The following NFAT5 variants were observed in gnomAD, a reference collection of about 807,000 sequenced individuals.
The protein encoded by NFAT5 is nuclear factor of activated T cells 5.
Under a neutral mutation model 166.5 loss-of-function variants are expected in NFAT5, and 31 were observed. The observed-to-expected ratio is 0.19, with a 90% CI of 0.14 to 0.25. The LOEUF is 0.25. NFAT5 is among the 10% of genes least tolerant of loss of function. The pLI is 1.00. For missense variants in NFAT5, 1,449 were observed against 1,821.8 expected (o/e 0.80, Z 3.72); for synonymous variants, 612 against 639.7 (o/e 0.96, Z 0.65).
chr16:69,582,309 G>A (rs912341458), intron 2 of NFAT5, among the ~76,000 whole-genome samples: 9 of 151,942 alleles, frequency 5.9e-5, no homozygotes, highest in Middle Eastern at 3.4e-3. Context: ...TTGGGTTGTC[G>A]TCTTATTCTT....
chr16:69,624,845 A>G (rs1167344635), intron 2 of NFAT5, among the ~76,000 whole-genome samples: 1 of 151,824 alleles, frequency 6.6e-6, no homozygotes, highest in Non-Finnish European at 1.5e-5. Flanking sequence ...CTTAAATTTC[A>G]TGCCTCAGTT....
At chr16:69,571,469 A>G (rs1237509860) in intron 2 of NFAT5, among the ~76,000 whole-genome samples, 1 of 152,124 alleles carries the variant, frequency 6.6e-6, no homozygotes, top group Non-Finnish European at 1.5e-5. Context: ...ATTCCAACCC[A>G]GGTAGTCTCA....
intron 2 of NFAT5, among the ~76,000 whole-genome samples, chr16:69,585,173 A>G (rs1262608273): frequency 6.7e-6 from 1 of 150,140 alleles, no homozygotes; most frequent in Non-Finnish European, 1.5e-5. Context: ...AATTATTATT[A>G]TTTTTTTTTG....
At position 69,692,999 on chromosome 16, in the gene NFAT5, A is replaced by G. The variant is rs1245522227; in HGVS notation, c.3174A>G (p.Gln1058=). The change falls in exon 13 of 15, where the codon CAA becomes CAG. Residue 1058 remains glutamine, a synonymous_variant. Transcript: ENST00000349945. ...GTGTTCAGAATAGTGGTACCCAACAACAAGGTAATGGTTTATTCCAGCAAG... is the reference window on the plus strand; with the variant it reads ...GTGTTCAGAATAGTGGTACCCAACAGCAAGGTAATGGTTTATTCCAGCAAG... ...MMSVQNSGTQ[Q]QGNGLFQQGN... 6.2e-6 allele frequency: 10 copies of G among 1,614,058 alleles called. No homozygotes were observed. The African/African-American group carries it at 9.3e-5, about 15-fold the overall frequency.
chr16:69,587,940 CTTTCTTTTTTTTTTTTTT>C (rs2032190503), intron 2 of NFAT5, among the ~76,000 whole-genome samples: 1 of 90,590 alleles, frequency 1.1e-5, no homozygotes, highest in South Asian at 3.7e-4. Context: ...ATTTATAGTG[CTTTCTTTTTTTTTTTTTT>C]TTTTTTTTTT....
intron 2 of NFAT5, among the ~76,000 whole-genome samples, chr16:69,594,582 T>A (rs986877925): frequency 6.6e-6 from 1 of 152,214 alleles, no homozygotes; most frequent in Non-Finnish European, 1.5e-5. Context: ...TATGATCTTA[T>A]GGCACCACTG....
Position 69,693,461 on chromosome 16 carries a change from T to C in NFAT5, c.3636T>C (p.Pro1212=), listed in dbSNP as rs1405541342. 1 of 1,614,170 alleles carries C rather than the reference T, an allele frequency of 6.2e-7. No homozygotes were observed. Among genetic ancestry groups the C allele is most frequent in the South Asian group, 1.1e-5 (1 of 91,084 alleles). ...CTCCAATATCACACATCCAGACTCCTATGCTTTCCCAAGAACAGGCACAAC... is the reference window on the plus strand; with the variant it reads ...CTCCAATATCACACATCCAGACTCCCATGCTTTCCCAAGAACAGGCACAAC... ...QQAPISHIQT[P]MLSQEQAQPP... is the part of the protein sequence containing the mutation. The change falls in exon 13 of 15, where the codon CCT becomes CCC. Residue 1212 remains proline, a synonymous_variant. Transcript: ENST00000349945.
chr16:69,689,183 G>C (rs1293289057), intron 11 of NFAT5, among the ~76,000 whole-genome samples: 1 of 152,140 alleles, frequency 6.6e-6, no homozygotes, highest in Non-Finnish European at 1.5e-5. Flanking sequence ...GGGCTGAGGT[G>C]GGAGGATTGC....
chr16:69,670,375 A>C, intron 9 of NFAT5, 87 bp downstream of exon 9: 1 of 784,588 alleles, frequency 1.3e-6, no homozygotes, highest in Non-Finnish European at 2.1e-6. Context: ...TCAATAGATT[A>C]AATTTCTTCT....
intron 10 of NFAT5, among the ~76,000 whole-genome samples, chr16:69,678,860 C>T (rs1447853214): frequency 6.6e-6 from 1 of 152,188 alleles, no homozygotes; most frequent in Non-Finnish European, 1.5e-5. Context: ...GTGAAGAAAA[C>T]AGTAGCTAGG....
rs1332908369 is a variant in NFAT5, at chr16:69,698,936, C to T, written c.*2585C>T. The T allele has an allele frequency of 6.6e-6, 1 of 152,466 alleles. No individual in the cohort carries two copies. Among genetic ancestry groups the T allele is most frequent in the African/African-American group, 2.4e-5 (1 of 41,378 alleles). The allele number at this position is 152,466 out of a possible 1,614,324, so 9.4% of individuals were successfully genotyped here. On this transcript the variant is annotated 3_prime_UTR_variant, in exon 15 of 15. Coordinates refer to ENST00000349945, the MANE Select transcript of NFAT5 (RefSeq NM_138713.4). ...TCAGTGTATCTCTTCTCCCCCAGCC[C>T]CTATTGGGAAAAATTACCCAGTATA...
intron 3 of NFAT5, among the ~76,000 whole-genome samples, chr16:69,633,452 A>G (rs910525006): frequency 2.0e-5 from 3 of 152,230 alleles, no homozygotes; most frequent in African/African-American, 7.2e-5. Flanking sequence ...GTTTTATAAG[A>G]AAGGAACTTC....
intron 2 of NFAT5, among the ~76,000 whole-genome samples, chr16:69,588,616 C>T (rs2032251930): frequency 6.6e-6 from 1 of 152,168 alleles, no homozygotes; most frequent in Non-Finnish European, 1.5e-5. Context: ...GATTGCTAGG[C>T]TACTTACCAG....
chr16:69,614,302 G>A (rs772844324), intron 2 of NFAT5, among the ~76,000 whole-genome samples: 5 of 152,074 alleles, frequency 3.3e-5, no homozygotes, highest in Non-Finnish European at 5.9e-5. Context: ...TTACAGGCAC[G>A]AGCCACCACG....
At chr16:69,593,939 A>G (rs980915779) in intron 2 of NFAT5, among the ~76,000 whole-genome samples, 1 of 152,186 alleles carries the variant, frequency 6.6e-6, no homozygotes, top group Non-Finnish European at 1.5e-5. Context: ...TTGTTCATTA[A>G]CCTAGTAGGG....
intron 2 of NFAT5, 51 bp from the exon 3 acceptor site, chr16:69,626,352 G>T: frequency 6.6e-7 from 1 of 1,520,510 alleles, no homozygotes; most frequent in South Asian, 1.3e-5. Flanking sequence ...TTAGATTGTT[G>T]ACTGAATCTC....
At chr16:69,573,050 C>T (rs2016532763) in intron 2 of NFAT5, among the ~76,000 whole-genome samples, 1 of 152,250 alleles carries the variant, frequency 6.6e-6, no homozygotes, top group Non-Finnish European at 1.5e-5. Context: ...ACCATGTTGG[C>T]CAGGGTGGCC....
At chr16:69,676,025 C>T (rs927369144) in intron 9 of NFAT5, among the ~76,000 whole-genome samples, 1 of 152,122 alleles carries the variant, frequency 6.6e-6, no homozygotes, top group Non-Finnish European at 1.5e-5. Context: ...AAATGGAAAC[C>T]TTGACCTTGA....
chr16:69,596,752 A>G lies in NFAT5; in HGVS notation c.127+28204A>G, dbSNP rs1015544669. Among the ~76,000 whole-genome samples the G allele has an allele frequency of 8.6e-5, 13 of 151,940 alleles. 1 individual carries two copies. Among genetic ancestry groups the G allele is most frequent in the East Asian group, 1.9e-4 (1 of 5,188 alleles). ...AAAAAAAAAAAGTATTCTGACTTCA[A>G]TCCATTTTTTTTCTCTAACTGCAAC... On this transcript the variant is annotated intron_variant, in intron 2 of 14. Transcript: ENST00000349945.
Sources: gnomAD v4.1 joint callset for allele counts (sites outside exome capture counted in the v4.1 genomes callset) on GRCh38, gnomAD v4.1.1 for gene constraint, MANE v1.5 for transcripts, NCBI Gene and HGNC (gene_info 2026-07-23, HGNC 2026-07-21) for gene names.